The following MAPK6 variants were observed in gnomAD, a reference collection of about 807,000 sequenced individuals.
The protein encoded by MAPK6 is mitogen-activated protein kinase 6, also known as ERK-3.
In MAPK6, 19 loss-of-function variants were observed where a neutral mutation model predicts 59.3. The ratio of observed to expected loss-of-function variants is 0.32; its 90% CI spans 0.22 to 0.47. The LOEUF is 0.47. MAPK6 is among the 20% of genes least tolerant of loss of function. The probability of loss-of-function intolerance (pLI) is 1.00; values close to 1 mark genes in which losing one functional copy is unlikely to be tolerated. For missense variants in MAPK6, 724 were observed against 847.9 expected (o/e 0.85, Z 1.81); for synonymous variants, 316 against 290.3 (o/e 1.09, Z -0.90).
chr15:52,066,606 C>A lies in MAPK6; in HGVS notation c.*1606C>A, dbSNP rs1262603674. 3 of 65,452 alleles carry A rather than the reference C, an allele frequency of 4.6e-5. No homozygotes were observed. Among genetic ancestry groups the A allele is most frequent in the Non-Finnish European group, 1.9e-4 (3 of 15,740 alleles). 4.1% of individuals were successfully genotyped at this position (65,452 alleles called of 1,614,324 possible). On this transcript the variant is annotated 3_prime_UTR_variant, in exon 6 of 6. Transcript: ENST00000261845. Reference sequence around the variant, plus strand: ...ATCCTTGTTTTGTACAACACCAATTCTATTAATATCTGCCCACCTACCTTC... The same window carrying A: ...ATCCTTGTTTTGTACAACACCAATTATATTAATATCTGCCCACCTACCTTC...
intron 2 of MAPK6, among the ~76,000 whole-genome samples, chr15:52,002,740 A>C (rs2057245911): frequency 1.3e-5 from 2 of 152,176 alleles, no homozygotes; most frequent in Non-Finnish European, 1.5e-5. Context: ...ATGTATAAAG[A>C]AAAGAGGTTT....
chr15:52,053,805 G>A (rs1386311868), intron 3 of MAPK6, among the ~76,000 whole-genome samples: 1 of 150,954 alleles, frequency 6.6e-6, no homozygotes, highest in Non-Finnish European at 1.5e-5. Context: ...ATGCCCAGCT[G>A]ATTTTTGTAT....
chr15:52,034,309 C>T (rs1187727201), intron 1 of MAPK6, among the ~76,000 whole-genome samples: 1 of 151,036 alleles, frequency 6.6e-6, no homozygotes, highest in Non-Finnish European at 1.5e-5. Flanking sequence ...AAGAATCATT[C>T]TTTTTTGTCG....
chr15:51,979,750 C>T (rs922368490), intron 1 of MAPK6, among the ~76,000 whole-genome samples: 2 of 151,442 alleles, frequency 1.3e-5, no homozygotes, highest in African/African-American at 2.4e-5. Context: ...GCAGAGATTG[C>T]GCCACTGCAC....
chr15:51,986,666 C>T (rs1270868446), intron 2 of MAPK6, among the ~76,000 whole-genome samples: 1 of 152,190 alleles, frequency 6.6e-6, no homozygotes, highest in African/African-American at 2.4e-5. Flanking sequence ...ATAATTAGAG[C>T]ATATGACTAT....
At chr15:52,041,985 A>G (rs924630032) in intron 1 of MAPK6, among the ~76,000 whole-genome samples, 5 of 152,224 alleles carry the variant, frequency 3.3e-5, no homozygotes, top group African/African-American at 1.2e-4. Flanking sequence ...TCACCATTTT[A>G]TCCCCATTGC....
chr15:52,064,017 C>G lies in MAPK6; in HGVS notation c.1183C>G (p.Gln395Glu). 6.2e-7 allele frequency: 1 copy of G among 1,613,710 alleles called. No homozygotes were observed. Among genetic ancestry groups the G allele is most frequent in the Non-Finnish European group, 8.5e-7 (1 of 1,179,792 alleles). The change falls in exon 6 of 6, where the codon CAA becomes GAA. Residue 395 changes from glutamine (Q) to glutamate (E), a missense_variant. Around this residue, in one of 4 missense-constraint regions of MAPK6, gnomAD observed 502 missense variants for 507.6 expected, o/e 0.99. Coordinates refer to ENST00000261845, the MANE Select transcript of MAPK6 (RefSeq NM_002748.4). The part of the protein sequence containing the change: ...LSDVTDEEEV[Q>E]VDPRKYLDGD... ...CGATGTCACTGATGAAGAAGAAGTA[C>G]AAGTTGATCCCCGAAAATATTTGGA...
At chr15:51,993,805 T>TC (rs2057216844) in intron 2 of MAPK6, among the ~76,000 whole-genome samples, 1 of 149,686 alleles carries the variant, frequency 6.7e-6, no homozygotes, top group African/African-American at 2.4e-5. Context: ...TTTCTTTCTT[T>TC]TTTTTTTTTT....
chr15:52,064,480 A>G lies in MAPK6; in HGVS notation c.1646A>G (p.Lys549Arg). Reference sequence around the variant, plus strand: ...CATGAGCCTACTGATGTTGTTGATAAATTAAATGACTTGAATAGCTCAGTG... The same window carrying G: ...CATGAGCCTACTGATGTTGTTGATAGATTAAATGACTTGAATAGCTCAGTG... Reference protein sequence around the residue: ...SQHEPTDVVDKLNDLNSSVSQ... With the variant: ...SQHEPTDVVDRLNDLNSSVSQ... Residue 549 changes from lysine to arginine, a missense_variant, in exon 6 of 6, where the codon AAA becomes AGA. Transcript: ENST00000261845. The G allele has an allele frequency of 6.2e-7, 1 of 1,608,350 alleles. No homozygotes were observed. Among genetic ancestry groups the G allele is most frequent in the Non-Finnish European group, 8.5e-7 (1 of 1,178,046 alleles).
chr15:52,061,579 T>C (rs1300783623), intron 5 of MAPK6, 79 bp downstream of exon 5: 3 of 1,066,150 alleles, frequency 2.8e-6, no homozygotes, highest in Non-Finnish European at 4.1e-6. Flanking sequence ...TTTAAAATTA[T>C]GTATAAGACA....
In MAPK6 at chr15:52,046,677, G is replaced by T; in HGVS notation, c.217G>T (p.Asp73Tyr). Residue 73 changes from aspartate to tyrosine, a missense_variant, in exon 2 of 6, where the codon GAC becomes TAC. Transcript: ENST00000261845. The stretch of plus-strand genomic sequence containing the variant: ...TGAAATCAAAATTATTAGAAGACTT[G>T]ACCATGATAACATTGTGAAAGTGTT... ...LREIKIIRRL[D>Y]HDNIVKVFEI... 2 of 1,614,062 alleles carry T rather than the reference G, an allele frequency of 1.2e-6. No individual in the cohort carries two copies. The highest frequency in any genetic ancestry group is 1.1e-5 in the South Asian group (1 of 91,000).
chr15:52,053,623 ATTGG>A (rs745399230), intron 3 of MAPK6, among the ~76,000 whole-genome samples: 3,428 of 133,550 alleles, frequency 0.026, 98 homozygotes, highest in East Asian at 0.078. Context: ...TGATTGATTG[ATTGG>A]TTGATTGATT....
intron 3 of MAPK6, among the ~76,000 whole-genome samples, chr15:52,056,189 G>GTC (rs1197322780): frequency 2.0e-5 from 3 of 152,210 alleles, no homozygotes; most frequent in Admixed American, 6.5e-5. Context: ...TGTCCAGATT[G>GTC]TCTCTCTATA....
upstream of MAPK6, chr15:52,017,165 G>C (rs2030295203): frequency 6.6e-6 from 1 of 152,326 alleles, no homozygotes; most frequent in African/African-American, 2.4e-5. Context: ...CACCAAACAG[G>C]CTTTGTGTGA....
chr15:52,016,070 G>GCGCACGCA, upstream of MAPK6, among the ~76,000 whole-genome samples: 1 of 55,392 alleles, frequency 1.8e-5, no homozygotes, highest in African/African-American at 7.0e-5. Flanking sequence ...GCGCGCGCGC[G>GCGCACGCA]CACACACACA....
In MAPK6 at chr15:52,063,838, A is replaced by ACT. The variant is rs1261697073; in HGVS notation, c.1068-62_1068-61dup. The stretch of plus-strand genomic sequence containing the variant: ...AGCACAGTGCTGTCACATAGAAGGT[A>ACT]CTCGGTGAATTTGAAAATGAAATCA... On this transcript the variant is annotated intron_variant, in intron 5 of 5. Coordinates refer to ENST00000261845, the MANE Select transcript of MAPK6 (RefSeq NM_002748.4). 1.1e-4 allele frequency: 154 copies of ACT among 1,395,636 alleles called. No homozygotes were observed. The Admixed American group carries it at 3.5e-3, about 32-fold the overall frequency. 86.5% of individuals were successfully genotyped at this position (1,395,636 alleles called of 1,614,324 possible).
Position 52,054,890 on chromosome 15 carries a change from C to G in MAPK6, c.701-3743C>G, listed in dbSNP as rs144760009. Among the ~76,000 whole-genome samples the G allele has an allele frequency of 6.3e-3, 953 of 152,190 alleles. 14 individuals are homozygous for G. The highest frequency in any genetic ancestry group is 0.022 in the African/African-American group (921 of 41,518). Reference sequence around the variant, plus strand: ...GCAACCTCCGCCTCCCAGGTTCAAGCGACTCTCCTGCCTCAGCCTCTCAAG... The same window carrying G: ...GCAACCTCCGCCTCCCAGGTTCAAGGGACTCTCCTGCCTCAGCCTCTCAAG... On this transcript the variant is annotated intron_variant, in intron 3 of 5. Coordinates refer to ENST00000261845, the MANE Select transcript of MAPK6 (RefSeq NM_002748.4).
At chr15:52,014,631 C>T (rs935849631), upstream of MAPK6, among the ~76,000 whole-genome samples, 4 of 148,902 alleles carry the variant, frequency 2.7e-5, no homozygotes, top group Non-Finnish European at 4.4e-5. Flanking sequence ...TGCTTGAGCC[C>T]GAGAGATTGA....
At chr15:51,981,459 G>A (rs1008214159) in intron 1 of MAPK6, among the ~76,000 whole-genome samples, 10 of 144,010 alleles carry the variant, frequency 6.9e-5, no homozygotes, top group Middle Eastern at 4.0e-3. Context: ...GTGACAGAGC[G>A]AGACTCCGTC....
Sources: allele counts gnomAD v4.1 joint callset (sites outside exome capture counted in the v4.1 genomes callset), GRCh38; gene constraint gnomAD v4.1.1; regional missense constraint gnomAD v4.1.1; transcripts MANE v1.5; gene names NCBI Gene and HGNC (gene_info 2026-07-23, HGNC 2026-07-21).